The following CHODL variants were observed in gnomAD, a reference collection of about 807,000 sequenced individuals.
The protein encoded by CHODL is chondrolectin, also known as transmembrane protein MT75.
Under a neutral mutation model 34.5 loss-of-function variants are expected in CHODL, and 29 were observed. The ratio of observed to expected loss-of-function variants is 0.84; its 90% CI spans 0.63 to 1.15. The LOEUF is 1.15. Among genes scored for constraint, CHODL ranks in the 50% most tolerant of loss-of-function variants. The pLI, the probability that CHODL is intolerant of heterozygous loss-of-function variation, is 0.00. For synonymous variants in CHODL, 125 were observed against 116.1 expected, an observed-to-expected ratio of 1.08 and a Z score of -0.49; for missense variants, 332 against 332.5, an observed-to-expected ratio of 1.00 and a Z score of 0.01.
chr21:18,107,518 C>A (rs905918904), intron 2 of CHODL, among the ~76,000 whole-genome samples: 1 of 152,228 alleles, frequency 6.6e-6, no homozygotes, highest in Admixed American at 6.5e-5. Context: ...TTAGTCGCAT[C>A]TGTCCATTTT....
At chr21:18,048,808 G>A (rs764461146) in intron 2 of CHODL, among the ~76,000 whole-genome samples, 6 of 151,832 alleles carry the variant, frequency 4.0e-5, no homozygotes, top group African/African-American at 7.2e-5. Flanking sequence ...CCATATGCAA[G>A]CCTCTGTCTG....
chr21:18,134,390 G>T (rs2146599168), intron 2 of CHODL: 2 of 515,162 alleles, frequency 3.9e-6, no homozygotes, highest in Non-Finnish European at 7.8e-6. Context: ...AGTCAAGCTG[G>T]CATCTCACTC....
chr21:18,219,589 G>T (rs1453758076), intron 2 of CHODL, among the ~76,000 whole-genome samples: 1 of 151,992 alleles, frequency 6.6e-6, no homozygotes, highest in Non-Finnish European at 1.5e-5. Flanking sequence ...CCCAAACTCT[G>T]TTATTTTTTG....
intron 1 of CHODL, among the ~76,000 whole-genome samples, chr21:18,250,105 A>G (rs1176123981): frequency 1.3e-5 from 2 of 152,160 alleles, no homozygotes; most frequent in Non-Finnish European, 2.9e-5. Flanking sequence ...TTTTATTATT[A>G]GAATCATTAC....
chr21:18,075,269 G>A (rs949309845), intron 2 of CHODL, among the ~76,000 whole-genome samples: 24 of 152,136 alleles, frequency 1.6e-4, no homozygotes, highest in Admixed American at 6.6e-4. Flanking sequence ...AGAGCGTCAC[G>A]CTTTGCCAAC....
chr21:18,028,472 A>G (rs1285810704), intron 2 of CHODL, among the ~76,000 whole-genome samples: 2 of 151,782 alleles, frequency 1.3e-5, no homozygotes, highest in African/African-American at 4.8e-5. Context: ...CAAGGTGGGT[A>G]GATCACCTGA....
chr21:18,016,526 T>A (rs1488652487), intron 1 of CHODL, among the ~76,000 whole-genome samples: 1 of 152,166 alleles, frequency 6.6e-6, no homozygotes, highest in African/African-American at 2.4e-5. Flanking sequence ...CTTGCTACCC[T>A]ACAAAGCCTC....
At chr21:18,162,689 T>A (rs1471468548) in intron 2 of CHODL, among the ~76,000 whole-genome samples, 2 of 152,232 alleles carry the variant, frequency 1.3e-5, no homozygotes, top group Non-Finnish European at 2.9e-5. Context: ...TAACTATTTT[T>A]AAACTTCAAT....
At chr21:18,183,363 G>A (rs2073404720) in intron 2 of CHODL, among the ~76,000 whole-genome samples, 1 of 152,172 alleles carries the variant, frequency 6.6e-6, no homozygotes, top group Admixed American at 6.5e-5. Context: ...GGGATAAATT[G>A]TGCAAATTAA....
intron 1 of CHODL, among the ~76,000 whole-genome samples, chr21:18,247,618 A>G (rs983029524): frequency 2.0e-5 from 3 of 152,160 alleles, no homozygotes; most frequent in African/African-American, 4.8e-5. Context: ...GGCATCTAGT[A>G]GTAATAAGAA....
At chr21:18,113,707 T>C (rs568583544) in intron 2 of CHODL, among the ~76,000 whole-genome samples, 76 of 152,166 alleles carry the variant, frequency 5.0e-4, no homozygotes, top group Admixed American at 9.8e-4. Flanking sequence ...TCCTCCAACA[T>C]TGGGAATTAT....
At chr21:17,938,462 CTTTTTTT>C (rs1240343018) in intron 1 of CHODL, among the ~76,000 whole-genome samples, 2 of 45,304 alleles carry the variant, frequency 4.4e-5, no homozygotes, top group Admixed American at 3.0e-4. Flanking sequence ...AACCCACATT[CTTTTTTT>C]TTTTTTTTTT....
At chr21:18,177,241 A>G (rs2073327369) in intron 2 of CHODL, among the ~76,000 whole-genome samples, 1 of 152,062 alleles carries the variant, frequency 6.6e-6, no homozygotes, top group Non-Finnish European at 1.5e-5. Context: ...TAAATCCTAC[A>G]AATGCAAGGC....
In CHODL at chr21:18,267,315, C is replaced by T. The variant is rs1290908611; in HGVS notation, c.*1277C>T. Reference sequence around the variant, plus strand: ...CAAGAGAAAGTTGTAACTCTCTGGTCTTCATATGTCCCTGTGCTCCTTTTA... The same window carrying T: ...CAAGAGAAAGTTGTAACTCTCTGGTTTTCATATGTCCCTGTGCTCCTTTTA... On this transcript the variant is annotated 3_prime_UTR_variant, in exon 6 of 6. Coordinates refer to ENST00000299295, the MANE Select transcript of CHODL (RefSeq NM_024944.3). 6.6e-6 allele frequency: 1 copy of T among 152,152 alleles called. No homozygotes were observed. Among genetic ancestry groups the T allele is most frequent in the Non-Finnish European group, 1.5e-5 (1 of 68,012 alleles). The allele number at this position is 152,152 out of a possible 1,614,324, so 9.4% of individuals were successfully genotyped here.
chr21:17,934,430 ACTCT>A (rs71189569), intron 1 of CHODL, among the ~76,000 whole-genome samples: 1 of 146,942 alleles, frequency 6.8e-6, no homozygotes, highest in African/African-American at 2.5e-5. Context: ...TCTGTCTTTC[ACTCT>A]CTCTCTCTCT....
intron 3 of CHODL, 71 bp downstream of exon 3, chr21:18,257,198 T>C: frequency 7.2e-7 from 1 of 1,382,496 alleles, no homozygotes; most frequent in African/African-American, 1.4e-5. Context: ...GTCTTTAATT[T>C]TGACTACCTG....
chr21:17,983,800 G>A (rs1212891306), intron 1 of CHODL, among the ~76,000 whole-genome samples: 2 of 151,972 alleles, frequency 1.3e-5, no homozygotes, highest in South Asian at 2.1e-4. Flanking sequence ...ACAATTAGAC[G>A]AGTTTGGACA....
intron 2 of CHODL, among the ~76,000 whole-genome samples, chr21:18,217,586 C>A (rs1011766161): frequency 2.0e-5 from 3 of 152,076 alleles, no homozygotes; most frequent in African/African-American, 7.2e-5. Flanking sequence ...GGGGACACAG[C>A]CAAACCATAT....
chr21:18,154,943 A>G (rs1055275012), intron 2 of CHODL, among the ~76,000 whole-genome samples: 5 of 152,184 alleles, frequency 3.3e-5, no homozygotes, highest in African/African-American at 7.2e-5. Flanking sequence ...AGCAGATGGA[A>G]TAATAATAGT....
Sources: allele counts gnomAD v4.1 joint callset (sites outside exome capture counted in the v4.1 genomes callset), GRCh38; gene constraint gnomAD v4.1.1; transcripts MANE v1.5; gene names NCBI Gene and HGNC (gene_info 2026-07-23, HGNC 2026-07-21).